The following SPTY2D1 variants were observed in gnomAD, a reference collection of about 807,000 sequenced individuals.
The protein encoded by SPTY2D1 is protein SPT2 homolog.
Under a neutral mutation model 64.0 loss-of-function variants are expected in SPTY2D1, and 21 were observed. That is an observed-to-expected ratio of 0.33 (90% CI 0.23 to 0.47). The LOEUF is 0.47. Ranked by LOEUF, SPTY2D1 falls within the 20% of genes least tolerant of loss-of-function variation. The probability of loss-of-function intolerance (pLI) is 1.00; values close to 1 mark genes in which losing one functional copy is unlikely to be tolerated. For synonymous variants in SPTY2D1, 287 were observed against 286.8 expected, an observed-to-expected ratio of 1.00 and a Z score of -0.01; for missense variants, 724 against 837.2, an observed-to-expected ratio of 0.86 and a Z score of 1.67.
chr11:18,615,569 T>A lies in SPTY2D1; in HGVS notation c.705A>T (p.Lys235Asn), dbSNP rs747650634. The change falls in exon 3 of 6, where the codon AAA becomes AAT. Residue 235 changes from lysine to asparagine, a missense_variant. Lys to Asn is a moderately conservative substitution (Grantham distance 94). Around this residue, in one of 3 missense-constraint regions of SPTY2D1, gnomAD observed 426 missense variants for 431.8 expected, o/e 0.99. Transcript: ENST00000336349. ...TGCTAAGTTTTGTGCCCACACTTTC[T>A]TTCTGAGAGGGTGCCTTTTTGGACA... ...PTVSKKAPSQ[K>N]ESVGTKLSKG... The A allele has an allele frequency of 6.2e-7, 1 of 1,614,250 alleles. No individual in the cohort carries two copies. Among genetic ancestry groups the A allele is most frequent in the South Asian group, 1.1e-5 (1 of 91,088 alleles).
chr11:18,617,898 C>T (rs1304111992), intron 1 of SPTY2D1, among the ~76,000 whole-genome samples: 3 of 151,822 alleles, frequency 2.0e-5, no homozygotes, highest in East Asian at 1.9e-4. Flanking sequence ...GCCGAGATTG[C>T]GCCACTGCAC....
chr11:18,622,417 G>C (rs1854426468), intron 1 of SPTY2D1, among the ~76,000 whole-genome samples: 1 of 151,880 alleles, frequency 6.6e-6, no homozygotes, highest in South Asian at 2.1e-4. Flanking sequence ...TGTAGTCCCA[G>C]CTACACAGCT....
At chr11:18,628,053 C>CA (rs1050555605) in intron 1 of SPTY2D1, among the ~76,000 whole-genome samples, 15 of 151,850 alleles carry the variant, frequency 9.9e-5, no homozygotes, top group East Asian at 9.7e-4. Context: ...GTCTCCAAAA[C>CA]AAAAAAAACC....
At chr11:18,613,336 GCC>G (rs1854237076) in intron 3 of SPTY2D1, among the ~76,000 whole-genome samples, 1 of 152,198 alleles carries the variant, frequency 6.6e-6, no homozygotes, top group South Asian at 2.1e-4. Flanking sequence ...TTGATCAACA[GCC>G]CAGGATCTGG....
chr11:18,617,920 C>A (rs1037026639), intron 1 of SPTY2D1, among the ~76,000 whole-genome samples: 1 of 152,128 alleles, frequency 6.6e-6, no homozygotes, highest in South Asian at 2.1e-4. Flanking sequence ...CCAGGCTGGA[C>A]AACAGAGCAA....
intron 1 of SPTY2D1, among the ~76,000 whole-genome samples, chr11:18,628,096 C>A (rs1173871451): frequency 6.6e-6 from 1 of 152,142 alleles, no homozygotes; most frequent in Non-Finnish European, 1.5e-5. Flanking sequence ...TACTATTACA[C>A]CCTTAATGTG....
Position 18,614,954 on chromosome 11 carries a change from G to C in SPTY2D1, c.1320C>G (p.Ser440Arg). ...TGGGTCGCCCAGGGCCACCTGAGCT[G>C]CTTGCAGGTTGTCCAGGGCCACATG... Reference protein sequence around the residue: ...SGTCGPGQPASSSGGPGRPIS... With the variant: ...SGTCGPGQPARSSGGPGRPIS... The change falls in exon 3 of 6, where the codon AGC becomes AGG. Residue 440 changes from serine (S) to arginine (R), a missense_variant. Coordinates refer to ENST00000336349, the MANE Select transcript of SPTY2D1 (RefSeq NM_194285.3). 2 of 1,613,964 alleles carry C rather than the reference G, an allele frequency of 1.2e-6. No individual in the cohort carries two copies. Among genetic ancestry groups the C allele is most frequent in the Non-Finnish European group, 1.7e-6 (2 of 1,179,918 alleles).
At position 18,614,774 on chromosome 11, in the gene SPTY2D1, A is replaced by T; in HGVS notation, c.1500T>A (p.Ile500=). Residue 500 remains isoleucine (I), a synonymous_variant, in exon 3 of 6, where the codon ATT becomes ATA. Transcript: ENST00000336349. ...SGPGRSISGS[I]PAGRTVSNSV... ...AATTACTGACAGTCCGTCCAGCTGG[A>T]ATTGAGCCACTTATGGATCTCCCAG... 1 of 1,612,930 alleles carries T rather than the reference A, an allele frequency of 6.2e-7. No individual in the cohort carries two copies. The highest frequency in any genetic ancestry group is 8.5e-7 in the Non-Finnish European group (1 of 1,179,082).
At chr11:18,632,161 AAAAAAAGAAGAAG>A (rs1277085179) in intron 1 of SPTY2D1, among the ~76,000 whole-genome samples, 3 of 151,956 alleles carry the variant, frequency 2.0e-5, no homozygotes, top group Non-Finnish European at 4.4e-5. Context: ...TTAAAAAAAA[AAAAAAAGAAGAAG>A]AAGAAATTTA....
chr11:18,606,870 T>TC lies in SPTY2D1; in HGVS notation c.*2990_*2991insG, dbSNP rs1854116706. 5.6e-6 allele frequency: 2 copies of TC among 359,664 alleles called. No individual in the cohort carries two copies. The highest frequency in any genetic ancestry group is 4.6e-5 in the African/African-American group (2 of 43,556). The allele number at this position is 359,664 out of a possible 1,614,324, so 22.3% of individuals were successfully genotyped here. A position where few individuals can be genotyped will look rare whatever the true frequency, so the allele number is the denominator to read the frequency against. On this transcript the variant is annotated 3_prime_UTR_variant, in exon 6 of 6. Transcript: ENST00000336349. Reference sequence around the variant, plus strand: ...ATGAAAATTTGAGTTCCCACATTCTTTTTTTTTTGACATGGAGTCTCGCTC... The same window carrying TC: ...ATGAAAATTTGAGTTCCCACATTCTTCTTTTTTTTGACATGGAGTCTCGCTC...
intron 1 of SPTY2D1, among the ~76,000 whole-genome samples, chr11:18,630,885 G>T (rs1407757390): frequency 6.6e-6 from 1 of 152,066 alleles, no homozygotes; most frequent in African/African-American, 2.4e-5. Context: ...GCAGTGGCAC[G>T]ATCTCCACTC....
At chr11:18,617,670 G>T (rs545984046) in intron 1 of SPTY2D1, among the ~76,000 whole-genome samples, 1 of 149,946 alleles carries the variant, frequency 6.7e-6, no homozygotes. Context: ...GGCCAGGTGC[G>T]GTGGCTCACG....
chr11:18,621,323 CAGAAAAGAAAAGAAAAG>C (rs1254260852), intron 1 of SPTY2D1, among the ~76,000 whole-genome samples: 95 of 137,618 alleles, frequency 6.9e-4, no homozygotes, highest in African/African-American at 2.5e-3. Flanking sequence ...TCTCAAAAAA[CAGAAAAGAAAAGAAAAG>C]AAAAGAAAAG....
At chr11:18,616,133 C>A in intron 2 of SPTY2D1, 35 bp from the exon 3 acceptor site, 2 of 1,535,224 alleles carry the variant, frequency 1.3e-6, no homozygotes, top group East Asian at 2.3e-5. Context: ...GTTATTACTT[C>A]GAGATCTCAA....
intron 1 of SPTY2D1, 91 bp from the exon 2 acceptor site, chr11:18,617,080 A>C: frequency 1.0e-6 from 1 of 989,766 alleles, no homozygotes; most frequent in Non-Finnish European, 1.6e-6. Context: ...TAAGAGGTAT[A>C]AATGTTAACT....
In SPTY2D1 at chr11:18,608,657, T is replaced by C. The variant is rs144686449; in HGVS notation, c.*1204A>G. 7 of 152,388 alleles carry C rather than the reference T, an allele frequency of 4.6e-5. No homozygotes were observed. The East Asian group carries it at 1.3e-3, about 29-fold the overall frequency. 9.4% of individuals were successfully genotyped at this position (152,388 alleles called of 1,614,324 possible). ...CCAGCATGATCCTAAGTCAGCCTGA[T>C]TGGAACTGCTTGGACTTGAAGGTTA... On this transcript the variant is annotated 3_prime_UTR_variant, in exon 6 of 6. Coordinates refer to ENST00000336349, the MANE Select transcript of SPTY2D1 (RefSeq NM_194285.3).
intron 2 of SPTY2D1, among the ~76,000 whole-genome samples, chr11:18,616,498 G>A (rs1475081168): frequency 1.3e-5 from 2 of 151,994 alleles, no homozygotes; most frequent in Non-Finnish European, 2.9e-5. Flanking sequence ...CTCTATTTTA[G>A]CCTTTTAGAT....
rs1451035819 is a variant in SPTY2D1 at position 18,618,462 on chromosome 11, T to G, written c.61-1473A>C. 3.3e-5 allele frequency among the ~76,000 whole-genome samples: 5 copies of G among 152,210 alleles called. 1 individual carries two copies. Among genetic ancestry groups the G allele is most frequent in the Non-Finnish European group, 7.3e-5 (5 of 68,038 alleles). Reference sequence around the variant, plus strand: ...TAAAAGGAAAAATATTTCCACTTTATAAGTACCTATTATGAGAGAAATATG... The same window carrying G: ...TAAAAGGAAAAATATTTCCACTTTAGAAGTACCTATTATGAGAGAAATATG... On this transcript the variant is annotated intron_variant, in intron 1 of 5. Transcript: ENST00000336349.
rs1854229571 is a variant in SPTY2D1 at position 18,612,882 on chromosome 11, A to G, written c.1712-394T>C. The stretch of plus-strand genomic sequence containing the variant: ...CAGGTTCAAGCAATTCTCCTGCCTC[A>G]GCCTCCCGAGTAGCTGGGATTATAG... On this transcript the variant is annotated intron_variant, in intron 3 of 5. Transcript: ENST00000336349. The surrounding 1 kb of genome is among the most constrained non-coding windows in gnomAD (Gnocchi z 4.6). 6.6e-6 allele frequency among the ~76,000 whole-genome samples: 1 copy of G among 151,590 alleles called. No homozygotes were observed. The highest frequency in any genetic ancestry group is 6.6e-5 in the Admixed American group (1 of 15,194).
Sources: gnomAD v4.1 joint callset for allele counts (sites outside exome capture counted in the v4.1 genomes callset) on GRCh38, gnomAD v4.1.1 for gene constraint, gnomAD v4.1.1 regional missense constraint, Gnocchi (gnomAD v3.1) non-coding constraint, MANE v1.5 for transcripts, NCBI Gene and HGNC (gene_info 2026-07-23, HGNC 2026-07-21) for gene names.